PHF2: variants seen among roughly 807,000 people sequenced by gnomAD.
PHF2 encodes PHD finger protein 2.
PHF2 carries 27 observed loss-of-function variants against 120.5 expected under a neutral mutation model. The ratio of observed to expected loss-of-function variants is 0.22; its 90% CI spans 0.17 to 0.31. PHF2 has a LOEUF of 0.31. PHF2 is among the 10% of genes least tolerant of loss of function. PHF2 has a pLI of 1.00. For missense variants in PHF2, 1,024 were observed against 1,434.8 expected, an observed-to-expected ratio of 0.71 and a Z score of 4.63; for synonymous variants, 568 against 592.5, an observed-to-expected ratio of 0.96 and a Z score of 0.60.
At position 93,677,189 on chromosome 9, in the gene PHF2, C is replaced by T. The variant is rs1257554679; in HGVS notation, c.3202+226C>T. Among the ~76,000 whole-genome samples, 1 of 150,672 alleles carries T rather than the reference C, an allele frequency of 6.6e-6. No homozygotes were observed. The highest frequency in any genetic ancestry group is 1.5e-5 in the Non-Finnish European group (1 of 67,790). On this transcript the variant is annotated intron_variant, in intron 21 of 21. Transcript: ENST00000359246. The surrounding 1 kb of genome is among the most constrained non-coding windows in gnomAD (Gnocchi z 4.4). Reference sequence around the variant, plus strand: ...CTTCTGCTCAGTGGGCGTGCTCAGCCCCTGATCTGCCTGCACCCCTGCACC... The same window carrying T: ...CTTCTGCTCAGTGGGCGTGCTCAGCTCCTGATCTGCCTGCACCCCTGCACC...
chr9:93,609,084 C>CT (rs1259411655), intron 1 of PHF2, among the ~76,000 whole-genome samples: 2 of 149,874 alleles, frequency 1.3e-5, no homozygotes, highest in Middle Eastern at 3.2e-3. Flanking sequence ...TTTTAAAAAA[C>CT]TTTTTTTTAG....
At chr9:93,613,100 T>C (rs1486131945) in intron 1 of PHF2, among the ~76,000 whole-genome samples, 2 of 152,366 alleles carry the variant, frequency 1.3e-5, no homozygotes, top group African/African-American at 2.4e-5. Context: ...GTCTGAGAGC[T>C]GAGTAACCAG....
At chr9:93,655,080 A>G (rs146540086) in intron 7 of PHF2, among the ~76,000 whole-genome samples, 42 of 152,348 alleles carry the variant, frequency 2.8e-4, no homozygotes, top group African/African-American at 9.9e-4. Flanking sequence ...GTGCCCCTAG[A>G]TGACGTTAGA....
Position 93,653,326 on chromosome 9 carries a change from C to T in PHF2, c.750C>T (p.Ile250=), listed in dbSNP as rs762367980. Residue 250 remains isoleucine (I), a synonymous_variant, in exon 6 of 22, where the codon ATC becomes ATT. Transcript: ENST00000359246. ...CVKDSYTDFH[I]DSGGASAWYH... ...AGGACAGTTACACCGACTTCCACAT[C>T]GACTCTGGGGGCGCCTCTGCCTGGT... The T allele has an allele frequency of 3.7e-6, 6 of 1,613,792 alleles. No homozygotes were observed. The African/African-American group carries it at 4.0e-5, about 11-fold the overall frequency.
In PHF2 at chr9:93,673,563, G is replaced by A. The variant is rs373563214; in HGVS notation, c.2349-22G>A. ...GCAGGCCAAGAGCACTGGGCTGAGT[G>A]CCTGTCTCTCTGTGCCCCTAGCCAG... On this transcript the variant is annotated intron_variant, in intron 17 of 21. Transcript: ENST00000359246. 41 of 1,538,356 alleles carry A rather than the reference G, an allele frequency of 2.7e-5. No homozygotes were observed. The African/African-American group carries it at 4.2e-4, about 16-fold the overall frequency.
chr9:93,585,475 G>A (rs988710194), intron 1 of PHF2, among the ~76,000 whole-genome samples: 1 of 152,268 alleles, frequency 6.6e-6, no homozygotes, highest in Non-Finnish European at 1.5e-5. Context: ...TGGGCAGCAC[G>A]TGGCCTCATT....
intron 17 of PHF2, among the ~76,000 whole-genome samples, chr9:93,670,463 T>G (rs1227775678): frequency 6.6e-6 from 1 of 152,202 alleles, no homozygotes; most frequent in East Asian, 1.9e-4. Context: ...GACTCAGAGT[T>G]TCTGGGTGGG....
At chr9:93,671,150 G>A in intron 17 of PHF2, 2 of 983,096 alleles carry the variant, frequency 2.0e-6, no homozygotes, top group Non-Finnish European at 2.4e-6. Context: ...AGATGCAGGT[G>A]TGGATGTAGG....
At chr9:93,621,501 G>A (rs1266543984) in intron 1 of PHF2, among the ~76,000 whole-genome samples, 1 of 152,256 alleles carries the variant, frequency 6.6e-6, no homozygotes, top group East Asian at 1.9e-4. Flanking sequence ...GCTGGAAGGA[G>A]GAAGCCCACA....
At chr9:93,647,418 T>C (rs751408178) in intron 4 of PHF2, among the ~76,000 whole-genome samples, 2 of 152,140 alleles carry the variant, frequency 1.3e-5, no homozygotes, top group Admixed American at 6.5e-5. Context: ...GGTTCGTCGT[T>C]TGTGTTGCTT....
chr9:93,613,045 C>G (rs11791195), intron 1 of PHF2, among the ~76,000 whole-genome samples: 227 of 152,340 alleles, frequency 1.5e-3, no homozygotes, highest in Non-Finnish European at 2.5e-3. Flanking sequence ...GGTCACAGAG[C>G]TTTAGCTGTC....
chr9:93,649,049 G>A, intron 4 of PHF2, 22 bp from the exon 5 acceptor site: 1 of 1,550,608 alleles, frequency 6.4e-7, no homozygotes, highest in Non-Finnish European at 8.7e-7. Context: ...GGGTGCTCAA[G>A]CTCCTCCCAC....
intron 2 of PHF2, among the ~76,000 whole-genome samples, chr9:93,632,284 G>A (rs1826014723): frequency 6.6e-6 from 1 of 151,964 alleles, no homozygotes; most frequent in Non-Finnish European, 1.5e-5. Context: ...CAGTGCTGAG[G>A]TTGCAGATGG....
chr9:93,593,105 A>AAAAAAAAAAAAAAAAAAGG (rs1554790887), intron 1 of PHF2, among the ~76,000 whole-genome samples: 2 of 122,716 alleles, frequency 1.6e-5, no homozygotes, highest in African/African-American at 3.3e-5. Flanking sequence ...AAAAAAAAAA[A>AAAAAAAAAAAAAAAAAAGG]AAAAAAGAAA....
intron 2 of PHF2, among the ~76,000 whole-genome samples, chr9:93,630,354 C>T (rs541714445): frequency 2.0e-5 from 3 of 152,376 alleles, no homozygotes; most frequent in South Asian, 2.1e-4. Context: ...TAGGGGGACA[C>T]GGACTTGGGG....
intron 19 of PHF2, 114 bp downstream of exon 19, chr9:93,675,136 T>A: frequency 1.2e-6 from 1 of 826,260 alleles, no homozygotes; most frequent in Admixed American, 2.1e-5. Context: ...ACCTGTCCTA[T>A]CCTGAGGGCT....
chr9:93,582,277 G>T lies in PHF2; in HGVS notation c.98+5406G>T, dbSNP rs144281665. Reference sequence around the variant, plus strand: ...TGGCTTAGGTTATTCTGGCTCAAGGGCCTGAGCAAATACCGGGGCTGATAA... The same window carrying T: ...TGGCTTAGGTTATTCTGGCTCAAGGTCCTGAGCAAATACCGGGGCTGATAA... On this transcript the variant is annotated intron_variant, in intron 1 of 21. Coordinates refer to ENST00000359246, the MANE Select transcript of PHF2 (RefSeq NM_005392.4). Among the ~76,000 whole-genome samples the T allele has an allele frequency of 6.0e-3, 910 of 152,302 alleles. 7 individuals are homozygous for T. The highest frequency in any genetic ancestry group is 8.9e-3 in the Non-Finnish European group (605 of 68,022).
chr9:93,611,462 A>G (rs1311561449), intron 1 of PHF2, among the ~76,000 whole-genome samples: 1 of 151,968 alleles, frequency 6.6e-6, no homozygotes, highest in Non-Finnish European at 1.5e-5. Context: ...ATAAAATTTT[A>G]AATTAAAATA....
chr9:93,604,382 G>T (rs1300225010), intron 1 of PHF2, among the ~76,000 whole-genome samples: 1 of 149,898 alleles, frequency 6.7e-6, no homozygotes, highest in Non-Finnish European at 1.5e-5. Context: ...CTTTATATTC[G>T]TAGAGGATTT....
Sources: allele counts gnomAD v4.1 joint callset (sites outside exome capture counted in the v4.1 genomes callset), GRCh38; gene constraint gnomAD v4.1.1; non-coding constraint Gnocchi (gnomAD v3.1); transcripts MANE v1.5; gene names NCBI Gene and HGNC (gene_info 2026-07-23, HGNC 2026-07-21).